Variants in STX18 observed in about 807,000 individuals in gnomAD.
The protein encoded by STX18 is syntaxin 18, also known as syntaxin-18.
In STX18, 40 loss-of-function variants were observed where a neutral mutation model predicts 50.1. The observed-to-expected ratio is 0.80, with a 90% CI of 0.62 to 1.04. The LOEUF (loss-of-function observed/expected upper bound fraction) is 1.04. Among genes scored for constraint, STX18 ranks in the 50% least tolerant of loss-of-function variants. STX18 has a pLI of 0.00. For synonymous variants in STX18, 158 were observed against 151.8 expected, an observed-to-expected ratio of 1.04 and a Z score of -0.30; for missense variants, 410 against 415.8, an observed-to-expected ratio of 0.99 and a Z score of 0.12.
At chr4:4,538,971 G>A (rs188291848) in intron 1 of STX18, among the ~76,000 whole-genome samples, 2 of 152,176 alleles carry the variant, frequency 1.3e-5, no homozygotes, top group Non-Finnish European at 2.9e-5. Flanking sequence ...ACATGCATTT[G>A]AGTATATATA....
chr4:4,422,421 G>T (rs1725015065), intron 9 of STX18, among the ~76,000 whole-genome samples: 1 of 151,852 alleles, frequency 6.6e-6, no homozygotes, highest in Admixed American at 6.6e-5. Flanking sequence ...ACCAAAATTA[G>T]CCAGGCGTGG....
chr4:4,437,442 A>G (rs1423633878), intron 6 of STX18: 1 of 177,356 alleles, frequency 5.6e-6, no homozygotes, highest in Non-Finnish European at 1.1e-5. Flanking sequence ...GGAAATACTC[A>G]TTGGAGCTTT....
intron 1 of STX18, among the ~76,000 whole-genome samples, chr4:4,494,604 G>T (rs901627111): frequency 7.9e-5 from 12 of 152,064 alleles, no homozygotes; most frequent in African/African-American, 2.9e-4. Flanking sequence ...TTTAATCCTA[G>T]ATCTCTCTTA....
Position 4,517,922 on chromosome 4 carries a change from C to G in STX18, c.168+23875G>C, listed in dbSNP as rs534082594. Among the ~76,000 whole-genome samples, 3 of 152,040 alleles carry G rather than the reference C, an allele frequency of 2.0e-5. No homozygotes were observed. In the South Asian group the frequency reaches 6.2e-4, roughly 32 times the overall value. Reference sequence around the variant, plus strand: ...CCTGAGGAGCTGGGATTACAGGCGCCTGCCACCACGCCTGGCTAATTTTTG... The same window carrying G: ...CCTGAGGAGCTGGGATTACAGGCGCGTGCCACCACGCCTGGCTAATTTTTG... On this transcript the variant is annotated intron_variant, in intron 1 of 10. Coordinates refer to ENST00000306200, the MANE Select transcript of STX18 (RefSeq NM_016930.4).
intron 1 of STX18, among the ~76,000 whole-genome samples, chr4:4,515,390 T>A (rs146142902): frequency 1.8e-4 from 27 of 152,336 alleles, no homozygotes; most frequent in African/African-American, 6.3e-4. Flanking sequence ...GTTTGCTTTG[T>A]GTTTTAAGAA....
chr4:4,492,337 G>A (rs932508187), intron 1 of STX18, among the ~76,000 whole-genome samples: 4 of 152,012 alleles, frequency 2.6e-5, no homozygotes, highest in African/African-American at 7.2e-5. Flanking sequence ...AATGAATCAC[G>A]CACATTTAAT....
intron 1 of STX18, among the ~76,000 whole-genome samples, chr4:4,477,180 T>G (rs1459981703): frequency 6.6e-6 from 1 of 151,386 alleles, no homozygotes; most frequent in African/African-American, 2.4e-5. Flanking sequence ...GAGGTGGAGG[T>G]TGTAGTGAGC....
chr4:4,525,640 A>G (rs527811741), intron 1 of STX18, among the ~76,000 whole-genome samples: 2 of 152,308 alleles, frequency 1.3e-5, no homozygotes, highest in African/African-American at 4.8e-5. Context: ...CACTGTGCTA[A>G]ATACAAAGAA....
intron 5 of STX18, among the ~76,000 whole-genome samples, chr4:4,440,989 GTTCAC>G (rs1726073557): frequency 1.3e-5 from 2 of 152,304 alleles, no homozygotes; most frequent in South Asian, 4.1e-4. Flanking sequence ...GGGCTGGAGG[GTTCAC>G]TTCCAAGGAG....
At chr4:4,456,549 G>A (rs1166357462) in intron 5 of STX18, among the ~76,000 whole-genome samples, 2 of 152,206 alleles carry the variant, frequency 1.3e-5, no homozygotes, top group Non-Finnish European at 2.9e-5. Context: ...CTGTGGCCTT[G>A]GATGAGTCAT....
intron 1 of STX18, 127 bp from the exon 2 acceptor site, chr4:4,471,833 GT>G: frequency 1.5e-6 from 1 of 658,572 alleles, no homozygotes; most frequent in South Asian, 2.5e-5. Context: ...AGCACCGTCG[GT>G]TTTGGACTCT....
At chr4:4,524,047 T>C (rs955490026) in intron 1 of STX18, among the ~76,000 whole-genome samples, 1 of 152,198 alleles carries the variant, frequency 6.6e-6, no homozygotes, top group African/African-American at 2.4e-5. Flanking sequence ...TCTATTTTTT[T>C]CCCTAGATTA....
chr4:4,437,840 T>C (rs772650641), intron 6 of STX18, among the ~76,000 whole-genome samples: 1 of 152,354 alleles, frequency 6.6e-6, no homozygotes, highest in Non-Finnish European at 1.5e-5. Flanking sequence ...ACTGTGTATG[T>C]CCCCCTACAT....
intron 1 of STX18, among the ~76,000 whole-genome samples, chr4:4,496,336 A>C (rs1444964589): frequency 6.6e-6 from 1 of 152,162 alleles, no homozygotes; most frequent in Non-Finnish European, 1.5e-5. Flanking sequence ...GTCCAGTGAG[A>C]TCCTGTGTCT....
rs374872962 is a variant in STX18, at chr4:4,528,880, G to A, written c.168+12917C>T. On this transcript the variant is annotated intron_variant, in intron 1 of 10. Coordinates refer to ENST00000306200, the MANE Select transcript of STX18 (RefSeq NM_016930.4). The stretch of plus-strand genomic sequence containing the variant: ...CATCTCAGCTCCAGAGATCTCCACG[G>A]AACTGACCATTTAATGAACAAATAA... 2.0e-4 allele frequency among the ~76,000 whole-genome samples: 30 copies of A among 152,324 alleles called. No individual in the cohort carries two copies. The East Asian group carries it at 2.7e-3, about 14-fold the overall frequency.
chr4:4,448,217 G>C (rs931168569), intron 5 of STX18, among the ~76,000 whole-genome samples: 4 of 152,218 alleles, frequency 2.6e-5, no homozygotes, highest in African/African-American at 9.6e-5. Context: ...CTGGAGATGA[G>C]ACTCCTTAAA....
At chr4:4,430,867 G>A (rs534065390) in intron 7 of STX18, among the ~76,000 whole-genome samples, 5 of 152,324 alleles carry the variant, frequency 3.3e-5, no homozygotes, top group Admixed American at 2.6e-4. Context: ...ACTGATGGCA[G>A]TGATTTCTTG....
chr4:4,484,026 T>C (rs1023285940), intron 1 of STX18, among the ~76,000 whole-genome samples: 2 of 151,742 alleles, frequency 1.3e-5, no homozygotes, highest in Non-Finnish European at 2.9e-5. Flanking sequence ...CATGCCCAGC[T>C]AATTTTTTTG....
At chr4:4,448,233 G>A (rs1256152470) in intron 5 of STX18, among the ~76,000 whole-genome samples, 1 of 152,174 alleles carries the variant, frequency 6.6e-6, no homozygotes, top group Non-Finnish European at 1.5e-5. Flanking sequence ...TTAAACCACT[G>A]GTTTACTGAC....
Sources: gnomAD v4.1 joint callset for allele counts (sites outside exome capture counted in the v4.1 genomes callset) on GRCh38, gnomAD v4.1.1 for gene constraint, MANE v1.5 for transcripts, NCBI Gene and HGNC (gene_info 2026-07-23, HGNC 2026-07-21) for gene names.